Variants in MGST1 observed in about 807,000 individuals in gnomAD.
MGST1 encodes microsomal glutathione S-transferase 1.
In MGST1, 5 loss-of-function variants were observed where a neutral mutation model predicts 8.9. That is an observed-to-expected ratio of 0.56 (90% CI 0.29 to 1.19). The LOEUF (loss-of-function observed/expected upper bound fraction) is 1.19. Among genes scored for constraint, MGST1 ranks in the 50% most tolerant of loss-of-function variants. MGST1 has a pLI of 0.08. For synonymous variants in MGST1, 54 were observed against 67.8 expected (o/e 0.80, Z 1.00); for missense variants, 182 against 187.4 (o/e 0.97, Z 0.17).
At chr12:16,570,333 C>T (rs1320815742) in intron 4 of MGST1, among the ~76,000 whole-genome samples, 3 of 151,910 alleles carry the variant, frequency 2.0e-5, no homozygotes, top group Non-Finnish European at 2.9e-5. Context: ...CTTTTTCATC[C>T]TTTTCTTTCC....
intron 4 of MGST1, among the ~76,000 whole-genome samples, chr12:16,535,508 G>A (rs1195996823): frequency 6.6e-6 from 1 of 152,130 alleles, no homozygotes; most frequent in Non-Finnish European, 1.5e-5. Flanking sequence ...GTTTGCTTGC[G>A]ACAAAAACAG....
chr12:16,389,491 T>C lies in MGST1; in HGVS notation n.778+5887T>C, dbSNP rs7962454. On this transcript the variant is annotated intron_variant and non_coding_transcript_variant, in intron 1 of 1. Transcript: ENST00000359720. This position sits in a 1 kb window ranked among gnomAD's most constrained non-coding sequence, Gnocchi z 4.6. ...TGACGGCACGGAACATTGCTTACTC[T>C]TGAAATTCCAAACTCTTGAAATTTC... Among the ~76,000 whole-genome samples the C allele has an allele frequency of 0.47, 71,444 of 152,008 alleles. 17,079 individuals are homozygous for C. Among genetic ancestry groups the C allele is most frequent in the East Asian group, 0.71 (3,652 of 5,150 alleles).
At chr12:16,370,079 A>C (rs571615475) in intron 3 of MGST1, 1 of 152,206 alleles carries the variant, frequency 6.6e-6, no homozygotes, top group East Asian at 1.9e-4. Flanking sequence ...ACACATGTAA[A>C]AGCATTTTAT....
chr12:16,542,504 C>A (rs940281679), intron 4 of MGST1, among the ~76,000 whole-genome samples: 1 of 152,170 alleles, frequency 6.6e-6, no homozygotes, highest in African/African-American at 2.4e-5. Context: ...CTGTTTGCTA[C>A]ATTAGCTATA....
chr12:16,357,779 T>C (rs1939789832), intron 3 of MGST1, 80 bp downstream of exon 3: 14 of 1,144,064 alleles, frequency 1.2e-5, no homozygotes, highest in Non-Finnish European at 1.6e-5. Context: ...CTCAGGGTCT[T>C]GGAGACTGAG....
chr12:16,475,678 G>A (rs983353587), intron 4 of MGST1, among the ~76,000 whole-genome samples: 3 of 152,152 alleles, frequency 2.0e-5, no homozygotes, highest in Non-Finnish European at 4.4e-5. Flanking sequence ...TGTTGGTTAA[G>A]GAGACTGTTG....
intron 3 of MGST1, among the ~76,000 whole-genome samples, chr12:16,371,152 G>T (rs1248818907): frequency 6.6e-6 from 1 of 152,068 alleles, no homozygotes; most frequent in Non-Finnish European, 1.5e-5. Flanking sequence ...AGTTGATGGT[G>T]GGACAAATAG....
chr12:16,549,797 C>T (rs537779805), intron 4 of MGST1: 1 of 152,188 alleles, frequency 6.6e-6, no homozygotes, highest in Non-Finnish European at 1.5e-5. Flanking sequence ...ATCATATTCT[C>T]ATTTCCTTAA....
chr12:16,445,735 C>T (rs1231234282), intron 4 of MGST1, among the ~76,000 whole-genome samples: 1 of 151,900 alleles, frequency 6.6e-6, no homozygotes, highest in Non-Finnish European at 1.5e-5. Context: ...ATCAGGGCTA[C>T]TAGTTGTTTG....
rs1204603178 is a variant in MGST1, at chr12:16,369,577, G to A, written c.222-6545G>A. ...GACTCTGGGCCAAATACAGCCCATG[G>A]GCTGTTTTTATAAATAATGTTTTAT... On this transcript the variant is annotated intron_variant, in intron 3 of 3. Coordinates refer to the MGST1 transcript ENST00000535309. This position sits in a 1 kb window ranked among gnomAD's most constrained non-coding sequence, Gnocchi z 4.8. Among the ~76,000 whole-genome samples, 2 of 152,014 alleles carry A rather than the reference G, an allele frequency of 1.3e-5. No homozygotes were observed. Among genetic ancestry groups the A allele is most frequent in the African/African-American group, 4.8e-5 (2 of 41,372 alleles).
At chr12:16,516,845 C>G (rs1275417236) in intron 4 of MGST1, among the ~76,000 whole-genome samples, 2 of 152,062 alleles carry the variant, frequency 1.3e-5, no homozygotes, top group African/African-American at 4.8e-5. Flanking sequence ...CTGAGACACT[C>G]AAAGTCTGAG....
intron 1 of MGST1, among the ~76,000 whole-genome samples, chr12:16,388,123 G>T (rs1371213066): frequency 6.6e-6 from 1 of 150,610 alleles, no homozygotes; most frequent in Admixed American, 6.6e-5. Flanking sequence ...TGGTGCAAAA[G>T]TAATTGCGGT....
At position 16,587,807 on chromosome 12, in the gene MGST1, G is replaced by C. The variant is rs984088230; in HGVS notation, n.483-1721G>C. On this transcript the variant is annotated intron_variant and non_coding_transcript_variant, in intron 4 of 4. Transcript: ENST00000538857. The surrounding 1 kb of genome is among the most constrained non-coding windows in gnomAD (Gnocchi z 4.3). ...AAAAATCTCACTGTGTCCTGAATGG[G>C]GGGTTTCAGGGGGAGGGAGAGGAAC... Among the ~76,000 whole-genome samples, 5 of 151,824 alleles carry C rather than the reference G, an allele frequency of 3.3e-5. No individual in the cohort carries two copies. The highest frequency in any genetic ancestry group is 1.2e-4 in the African/African-American group (5 of 41,394).
chr12:16,517,609 G>C lies in MGST1; in HGVS notation n.483-71919G>C, dbSNP rs1460108797. Among the ~76,000 whole-genome samples the C allele has an allele frequency of 2.0e-5, 3 of 152,140 alleles. No homozygotes were observed. The highest frequency in any genetic ancestry group is 2.4e-5 in the African/African-American group (1 of 41,430). Reference sequence around the variant, plus strand: ...GTATCAGTAATATTTTGTTATAGTAGCACAAAATGAACCAAGACAGCAGGT... The same window carrying C: ...GTATCAGTAATATTTTGTTATAGTACCACAAAATGAACCAAGACAGCAGGT... On this transcript the variant is annotated intron_variant and non_coding_transcript_variant, in intron 4 of 4. Coordinates refer to the MGST1 transcript ENST00000538857. This position sits in a 1 kb window ranked among gnomAD's most constrained non-coding sequence, Gnocchi z 4.2.
At chr12:16,580,643 CAG>C (rs1303985219) in intron 4 of MGST1, among the ~76,000 whole-genome samples, 11 of 152,068 alleles carry the variant, frequency 7.2e-5, no homozygotes, top group Non-Finnish European at 1.3e-4. Context: ...GGTTACAAAA[CAG>C]AATGTAAATA....
intron 4 of MGST1, among the ~76,000 whole-genome samples, chr12:16,445,876 C>A (rs1941075979): frequency 6.6e-6 from 1 of 151,928 alleles, no homozygotes; most frequent in Admixed American, 6.6e-5. Flanking sequence ...AGAAGTATAA[C>A]ATTAGCTTCA....
chr12:16,535,088 G>T (rs111777207), intron 4 of MGST1, among the ~76,000 whole-genome samples: 9 of 152,176 alleles, frequency 5.9e-5, no homozygotes, highest in African/African-American at 2.2e-4. Context: ...CACCATTTCT[G>T]GTTCTCTTCT....
intron 4 of MGST1, among the ~76,000 whole-genome samples, chr12:16,540,499 T>C (rs542839332): frequency 6.6e-6 from 1 of 152,242 alleles, no homozygotes; most frequent in Non-Finnish European, 1.5e-5. Context: ...GAGGATGAGA[T>C]GAAATACTCT....
In MGST1 at chr12:16,547,128, C is replaced by A; in HGVS notation, n.483-42400C>A. 6.6e-6 allele frequency among the ~76,000 whole-genome samples: 1 copy of A among 152,004 alleles called. No individual in the cohort carries two copies. The highest frequency in any genetic ancestry group is 1.9e-4 in the East Asian group (1 of 5,178). On this transcript the variant is annotated intron_variant and non_coding_transcript_variant, in intron 4 of 4. Transcript: ENST00000538857. This position sits in a 1 kb window ranked among gnomAD's most constrained non-coding sequence, Gnocchi z 4.6. ...AATGAATTTTCTTCATTTTTCTGGC[C>A]ATTCATAAGGTTTTATAAACCCTAG...
Sources: gnomAD v4.1 joint callset for allele counts (sites outside exome capture counted in the v4.1 genomes callset) on GRCh38, gnomAD v4.1.1 for gene constraint, Gnocchi (gnomAD v3.1) non-coding constraint, MANE v1.5 for transcripts, NCBI Gene and HGNC (gene_info 2026-07-23, HGNC 2026-07-21) for gene names.